The following YJU2B variants were observed in gnomAD, a reference collection of about 807,000 sequenced individuals.
The protein encoded by YJU2B is probable splicing factor YJU2B.
Under a neutral mutation model 38.0 loss-of-function variants are expected in YJU2B, and 18 were observed. That is an observed-to-expected ratio of 0.47 (90% confidence interval 0.33 to 0.70). YJU2B has a LOEUF of 0.70. Ranked by LOEUF, YJU2B falls within the 30% of genes least tolerant of loss-of-function variation. The pLI is 0.02. For synonymous variants in YJU2B, 246 were observed against 225.4 expected, an observed-to-expected ratio of 1.09 and a Z score of -0.82; for missense variants, 538 against 556.3, an observed-to-expected ratio of 0.97 and a Z score of 0.33.
intron 1 of YJU2B, among the ~76,000 whole-genome samples, chr19:13,749,922 T>C (rs762385662): frequency 9.3e-4 from 141 of 151,992 alleles, no homozygotes; most frequent in Admixed American, 1.9e-3. Flanking sequence ...CGTGAAGAAC[T>C]TCCTTCTATA....
In YJU2B at chr19:13,762,454, G is replaced by A. The variant is rs766174535; in HGVS notation, c.712+17G>A. The A allele has an allele frequency of 6.2e-7, 1 of 1,609,620 alleles. No individual in the cohort carries two copies. The highest frequency in any genetic ancestry group is 1.1e-5 in the South Asian group (1 of 90,866). Reference sequence around the variant, plus strand: ...CCCTGGACTGTGCGTAGGAGGCCAGGGGGAAAAGGGGACAGGGAGGCTCAG... The same window carrying A: ...CCCTGGACTGTGCGTAGGAGGCCAGAGGGAAAAGGGGACAGGGAGGCTCAG... On this transcript the variant is annotated intron_variant, in intron 9 of 9. Transcript: ENST00000221554.
At chr19:13,757,395 TA>T in intron 4 of YJU2B, 22 bp from the exon 5 acceptor site, 1 of 1,611,138 alleles carries the variant, frequency 6.2e-7, no homozygotes, top group Non-Finnish European at 8.5e-7. Context: ...CAAGTGCAAG[TA>T]AGATGCTGTC....
At chr19:13,735,626 T>C (rs1031725922) in intron 2 of YJU2B, among the ~76,000 whole-genome samples, 5 of 152,122 alleles carry the variant, frequency 3.3e-5, no homozygotes, top group South Asian at 2.1e-4. Flanking sequence ...ACAAACTCAT[T>C]ATTATTCCTG....
At position 13,757,733 on chromosome 19, in the gene YJU2B, C is replaced by A. The variant is rs374767984; in HGVS notation, c.197-53C>A. On this transcript the variant is annotated intron_variant, in intron 5 of 9. Transcript: ENST00000221554. Reference sequence around the variant, plus strand: ...CCTCTTTGTACCTCATTTTACCCATCTGCAAAATTCAGATGGCAATGAAAT... The same window carrying A: ...CCTCTTTGTACCTCATTTTACCCATATGCAAAATTCAGATGGCAATGAAAT... 4 of 1,564,486 alleles carry A rather than the reference C, an allele frequency of 2.6e-6. No individual in the cohort carries two copies. In the African/African-American group the frequency reaches 4.1e-5, roughly 16 times the overall value.
upstream of YJU2B, among the ~76,000 whole-genome samples, chr19:13,746,887 A>G (rs1973265125): frequency 6.6e-6 from 1 of 152,078 alleles, no homozygotes; most frequent in Admixed American, 6.6e-5. Flanking sequence ...AGCCTGGACC[A>G]CAGAGCAAGA....
intron 5 of YJU2B, 79 bp downstream of exon 5, chr19:13,757,552 G>A (rs1973715177): frequency 7.8e-7 from 1 of 1,287,274 alleles, no homozygotes. Context: ...GGTGGGGGTG[G>A]GAGGGTCCTG....
At chr19:13,742,219 C>T (rs768485647) in intron 2 of YJU2B, among the ~76,000 whole-genome samples, 1 of 151,862 alleles carries the variant, frequency 6.6e-6, no homozygotes, top group Non-Finnish European at 1.5e-5. Context: ...TCAAAACTGC[C>T]TACATTCCCC....
intron 8 of YJU2B, among the ~76,000 whole-genome samples, chr19:13,761,726 ATT>A (rs71170558): frequency 0.031 from 4,305 of 139,100 alleles, 196 homozygotes; most frequent in African/African-American, 0.11. Flanking sequence ...ACAAAAAAAA[ATT>A]TTTTTTTTTT....
chr19:13,743,627 T>C (rs1187733663), upstream of YJU2B, among the ~76,000 whole-genome samples: 2 of 138,618 alleles, frequency 1.4e-5, no homozygotes, highest in African/African-American at 5.5e-5. Flanking sequence ...GCGCAGTGGC[T>C]CACGCCTGTA....
In YJU2B at chr19:13,757,608, A is replaced by C. The variant is rs911350378; in HGVS notation, c.196+135A>C. The C allele has an allele frequency of 1.1e-5, 12 of 1,065,664 alleles. No homozygotes were observed. The East Asian group carries it at 2.9e-4, about 26-fold the overall frequency. The allele number at this position is 1,065,664 out of a possible 1,614,324, so 66.0% of individuals were successfully genotyped here. ...CGGGCACCCGAGTGACTGGCTGGCC[A>C]TGGAAGCCCCTTTGCAGAGGGATTA... On this transcript the variant is annotated intron_variant, in intron 5 of 9. Coordinates refer to ENST00000221554, the MANE Select transcript of YJU2B (RefSeq NM_030818.4).
At chr19:13,760,127 A>G (rs1343641591) in intron 8 of YJU2B, among the ~76,000 whole-genome samples, 2 of 151,808 alleles carry the variant, frequency 1.3e-5, no homozygotes, top group Middle Eastern at 3.4e-3. Context: ...GGGTTTCACC[A>G]TGTTGGCCAG....
chr19:13,737,400 C>G (rs1320070271), intron 2 of YJU2B, among the ~76,000 whole-genome samples: 1 of 151,816 alleles, frequency 6.6e-6, no homozygotes, highest in Non-Finnish European at 1.5e-5. Flanking sequence ...TTTCTAGGAG[C>G]AGGATCCCAA....
chr19:13,749,671 C>T (rs1267077547), intron 1 of YJU2B, among the ~76,000 whole-genome samples: 3 of 137,776 alleles, frequency 2.2e-5, no homozygotes, highest in African/African-American at 8.2e-5. Flanking sequence ...CTCGCTCTAT[C>T]GCCCAGGCTG....
intron 2 of YJU2B, among the ~76,000 whole-genome samples, chr19:13,736,460 A>G (rs1972951050): frequency 6.6e-6 from 1 of 151,552 alleles, no homozygotes. Flanking sequence ...GTTTTTCTCC[A>G]TGTTGGCCAG....
chr19:13,743,574 T>G, upstream of YJU2B, among the ~76,000 whole-genome samples: 1 of 120,524 alleles, frequency 8.3e-6, no homozygotes, highest in African/African-American at 3.3e-5. Flanking sequence ...CAAGACTCAG[T>G]CTCAGGAAAA....
At chr19:13,756,116 C>T in intron 3 of YJU2B, 81 bp from the exon 4 acceptor site, 4 of 1,099,688 alleles carry the variant, frequency 3.6e-6, no homozygotes, top group Non-Finnish European at 5.6e-6. Context: ...AGACACTTGT[C>T]CCAAAGCAGT....
In YJU2B at chr19:13,756,276, T is replaced by A. The variant is rs1394008028; in HGVS notation, c.137T>A (p.Ile46Asn). 1 of 1,613,666 alleles carries A rather than the reference T, an allele frequency of 6.2e-7. No individual in the cohort carries two copies. The highest frequency in any genetic ancestry group is 8.5e-7 in the Non-Finnish European group (1 of 1,179,784). Residue 46 changes from isoleucine (I) to asparagine (N), a missense_variant, in exon 4 of 10, where the codon ATC (isoleucine) becomes AAC (asparagine). Physicochemically the swap from Ile to Asn is moderately radical, Grantham distance 149. Around this residue, in one of 2 missense-constraint regions of YJU2B, gnomAD observed 50 missense variants for 86.9 expected, o/e 0.58. Transcript: ENST00000221554. ...AAGCTGTCACAGGGCATCCTCATCA[T>A]CCGGTAAGGCCCAGCATCACCTGAG... ...ARKLSQGILI[I>N]RFEMPYNIWC...
At chr19:13,755,472 A>ATC in intron 3 of YJU2B, among the ~76,000 whole-genome samples, 1 of 151,728 alleles carries the variant, frequency 6.6e-6, no homozygotes, top group Non-Finnish European at 1.5e-5. Flanking sequence ...AAAAAAAAAA[A>ATC]AAAAAATAAG....
intron 9 of YJU2B, 27 bp downstream of exon 9, chr19:13,762,464 G>C: frequency 6.2e-7 from 1 of 1,607,066 alleles, no homozygotes; most frequent in Non-Finnish European, 8.5e-7. Context: ...GGGGAAAAGG[G>C]GACAGGGAGG....
Sources: gnomAD v4.1 joint callset for allele counts (sites outside exome capture counted in the v4.1 genomes callset) on GRCh38, gnomAD v4.1.1 for gene constraint, gnomAD v4.1.1 regional missense constraint, MANE v1.5 for transcripts, NCBI Gene and HGNC (gene_info 2026-07-23, HGNC 2026-07-21) for gene names.